NEMP2: variants seen among roughly 807,000 people sequenced by gnomAD.
The protein encoded by NEMP2 is nuclear envelope integral membrane protein 2, also known as UPF0571 transmembrane protein.
NEMP2 carries 53 observed loss-of-function variants against 54.2 expected under a neutral mutation model. The observed-to-expected ratio is 0.98, with a 90% CI of 0.78 to 1.23. NEMP2 has a LOEUF of 1.23. Ranked by LOEUF, NEMP2 falls within the 50% of genes most tolerant of loss-of-function variation. The pLI, the probability that NEMP2 is intolerant of heterozygous loss-of-function variation, is 0.00. For synonymous variants in NEMP2, 197 were observed against 190.3 expected, an observed-to-expected ratio of 1.04 and a Z score of -0.29; for missense variants, 455 against 511.3, an observed-to-expected ratio of 0.89 and a Z score of 1.06.
At chr2:190,475,840 C>G in the NEMP2 span, among the ~76,000 whole-genome samples, 2 of 152,160 alleles carry the variant, frequency 1.3e-5, no homozygotes, top group African/African-American at 4.8e-5. Context: ...ACCAAAACAG[C>G]ATGGTACTGG....
chr2:190,540,299 T>G, the NEMP2 span, among the ~76,000 whole-genome samples: 503 of 152,150 alleles, frequency 3.3e-3, no homozygotes, highest in African/African-American at 0.011. Context: ...TTTTTTTTTT[T>G]TTGAGACAGC....
chr2:190,514,770 A>G lies in NEMP2; in HGVS notation c.728-92T>C. On this transcript the variant is annotated intron_variant, in intron 6 of 8. Transcript: ENST00000409150. This position sits in a 1 kb window ranked among gnomAD's most constrained non-coding sequence, Gnocchi z 5.7. The stretch of plus-strand genomic sequence containing the variant: ...GAGCCTTGACTTAAAGGTAAAAACT[A>G]TTAGAGAACCTTAATTTTTGTGTTT... The G allele has an allele frequency of 8.3e-7, 1 of 1,208,824 alleles. No homozygotes were observed. The highest frequency in any genetic ancestry group is 2.4e-5 in the Admixed American group (1 of 41,068). The allele number at this position is 1,208,824 out of a possible 1,614,324, so 74.9% of individuals were successfully genotyped here.
the NEMP2 span, among the ~76,000 whole-genome samples, chr2:190,561,036 C>T: frequency 1.3e-5 from 2 of 152,062 alleles, no homozygotes; most frequent in Non-Finnish European, 2.9e-5. This position sits in a 1 kb window ranked among gnomAD's most constrained non-coding sequence, Gnocchi z 5.4. Context: ...GAGGTGTGCC[C>T]AGTGCTTCTT....
At chr2:190,431,759 T>A in the NEMP2 span, among the ~76,000 whole-genome samples, 1 of 152,106 alleles carries the variant, frequency 6.6e-6, no homozygotes, top group African/African-American at 2.4e-5. This position sits in a 1 kb window ranked among gnomAD's most constrained non-coding sequence, Gnocchi z 4.4. Flanking sequence ...AGCATGAGCA[T>A]CTTGTTCTTT....
chr2:190,648,520 T>TG, the NEMP2 span: 10,079 of 95,060 alleles, frequency 0.11, 475 homozygotes, highest in Middle Eastern at 0.21. Flanking sequence ...GCTGTTGTTT[T>TG]TTTTTTTTTT....
chr2:190,581,948 G>A, the NEMP2 span, among the ~76,000 whole-genome samples: 1 of 152,068 alleles, frequency 6.6e-6, no homozygotes, highest in Non-Finnish European at 1.5e-5. Flanking sequence ...TATAAATCGG[G>A]GATTCCCTCC....
At chr2:190,605,299 G>A in the NEMP2 span, among the ~76,000 whole-genome samples, 1 of 139,500 alleles carries the variant, frequency 7.2e-6, no homozygotes, top group Non-Finnish European at 1.5e-5. Context: ...ACTATTCCCT[G>A]CCATGACCCC....
At chr2:190,469,002 C>T in the NEMP2 span, among the ~76,000 whole-genome samples, 103,993 of 151,918 alleles carry the variant, frequency 0.68, 37,398 homozygotes, top group Admixed American at 0.78. The surrounding 1 kb of genome is among the most constrained non-coding windows in gnomAD (Gnocchi z 5.3). Flanking sequence ...GAACGAGAGA[C>T]TGAAACCTTA....
the NEMP2 span, among the ~76,000 whole-genome samples, chr2:190,589,112 C>T: frequency 2.6e-5 from 4 of 152,240 alleles, no homozygotes; most frequent in East Asian, 1.9e-4. This position sits in a 1 kb window ranked among gnomAD's most constrained non-coding sequence, Gnocchi z 4.3. Context: ...TACTTTGGGG[C>T]CCCATCACCC....
chr2:190,500,632 C>G (rs1689981311), downstream of NEMP2: 2 of 163,062 alleles, frequency 1.2e-5, no homozygotes, highest in Non-Finnish European at 2.7e-5. The surrounding 1 kb of genome is among the most constrained non-coding windows in gnomAD (Gnocchi z 5.3). Context: ...CTAACACAAA[C>G]TGGGAAGAGA....
chr2:190,518,676 C>T, intron 4 of NEMP2, 60 bp downstream of exon 4: 1 of 1,344,056 alleles, frequency 7.4e-7, no homozygotes, highest in Non-Finnish European at 1.0e-6. Flanking sequence ...AGCATGTGGT[C>T]AAAAATGATC....
chr2:190,602,750 G>C, the NEMP2 span, among the ~76,000 whole-genome samples: 1 of 152,192 alleles, frequency 6.6e-6, no homozygotes, highest in Admixed American at 6.5e-5. Context: ...GGCAGAGAAT[G>C]GGGAGAAAGG....
chr2:190,509,374 A>G lies in NEMP2; in HGVS notation c.1131-62T>C. 1 of 1,515,786 alleles carries G rather than the reference A, an allele frequency of 6.6e-7. No individual in the cohort carries two copies. Among genetic ancestry groups the G allele is most frequent in the African/African-American group, 1.4e-5 (1 of 72,144 alleles). 93.9% of individuals were successfully genotyped at this position (1,515,786 alleles called of 1,614,324 possible). On this transcript the variant is annotated intron_variant, in intron 8 of 8. Transcript: ENST00000409150. This position sits in a 1 kb window ranked among gnomAD's most constrained non-coding sequence, Gnocchi z 6.1. ...TCTCAGGAAGGTTTATTTGAAAGAT[A>G]ACATGTTCCCTTGCTATTTATCCCC...
At chr2:190,578,740 G>A in the NEMP2 span, among the ~76,000 whole-genome samples, 1 of 152,018 alleles carries the variant, frequency 6.6e-6, no homozygotes, top group East Asian at 1.9e-4. The surrounding 1 kb of genome is among the most constrained non-coding windows in gnomAD (Gnocchi z 4.4). Flanking sequence ...AGGAGTGGGA[G>A]GGTGTGTACA....
At chr2:190,465,545 T>C in the NEMP2 span, among the ~76,000 whole-genome samples, 2 of 152,198 alleles carry the variant, frequency 1.3e-5, no homozygotes, top group Non-Finnish European at 2.9e-5. This position sits in a 1 kb window ranked among gnomAD's most constrained non-coding sequence, Gnocchi z 4.6. Flanking sequence ...CATATGCTCA[T>C]ATTCAGCATA....
At chr2:190,591,125 C>G in the NEMP2 span, among the ~76,000 whole-genome samples, 1 of 152,050 alleles carries the variant, frequency 6.6e-6, no homozygotes, top group Non-Finnish European at 1.5e-5. This position sits in a 1 kb window ranked among gnomAD's most constrained non-coding sequence, Gnocchi z 5.4. Context: ...CTATTTGTTC[C>G]CCCCTTGTAT....
chr2:190,590,459 A>G, the NEMP2 span, among the ~76,000 whole-genome samples: 1 of 152,196 alleles, frequency 6.6e-6, no homozygotes, highest in African/African-American at 2.4e-5. This position sits in a 1 kb window ranked among gnomAD's most constrained non-coding sequence, Gnocchi z 5.1. Flanking sequence ...ATGCTCGTCA[A>G]CTGAGCCATC....
At chr2:190,448,026 C>T in the NEMP2 span, among the ~76,000 whole-genome samples, 2 of 152,206 alleles carry the variant, frequency 1.3e-5, no homozygotes, top group Middle Eastern at 3.2e-3. Context: ...ACATGGTTTT[C>T]TTTCTCTTCC....
At chr2:190,537,002 A>G (rs1481846710), upstream of NEMP2, among the ~76,000 whole-genome samples, 1 of 152,224 alleles carries the variant, frequency 6.6e-6, no homozygotes, top group East Asian at 1.9e-4. Flanking sequence ...AAAGACACCC[A>G]AAAAAGCAGA....
Sources: allele counts gnomAD v4.1 joint callset (sites outside exome capture counted in the v4.1 genomes callset), GRCh38; gene constraint gnomAD v4.1.1; non-coding constraint Gnocchi (gnomAD v3.1); transcripts MANE v1.5; gene names NCBI Gene and HGNC (gene_info 2026-07-23, HGNC 2026-07-21).